FAM20C: variants seen among roughly 807,000 people sequenced by gnomAD.
FAM20C encodes extracellular serine/threonine protein kinase FAM20C.
Under a neutral mutation model 51.5 loss-of-function variants are expected in FAM20C, and 40 were observed. The observed-to-expected ratio is 0.78, with a 90% CI of 0.60 to 1.01. The LOEUF is 1.01. Ranked by LOEUF, FAM20C falls within the 50% of genes least tolerant of loss-of-function variation. The probability of loss-of-function intolerance (pLI) is 0.00; values close to 1 mark genes in which losing one functional copy is unlikely to be tolerated. For missense variants in FAM20C, 861 were observed against 844.7 expected, an observed-to-expected ratio of 1.02 and a Z score of -0.24; for synonymous variants, 406 against 380.6, an observed-to-expected ratio of 1.07 and a Z score of -0.78.
intron 3 of FAM20C, among the ~76,000 whole-genome samples, chr7:236,645 G>A (rs1787855768): frequency 6.6e-6 from 1 of 152,208 alleles, no homozygotes; most frequent in Admixed American, 6.5e-5. Context: ...ACATCTCACA[G>A]GGCACAGCAG....
At chr7:257,806 G>C (rs1446521032) in intron 8 of FAM20C, among the ~76,000 whole-genome samples, 9 of 127,926 alleles carry the variant, frequency 7.0e-5, no homozygotes, top group East Asian at 2.2e-4. Context: ...GGGCTGGGTG[G>C]ACCCACTGCC....
At chr7:251,340 G>A (rs540188246) in intron 5 of FAM20C, among the ~76,000 whole-genome samples, 9 of 152,254 alleles carry the variant, frequency 5.9e-5, no homozygotes, top group Admixed American at 3.3e-4. Flanking sequence ...ACAACGTAGC[G>A]AGACCCCATC....
At chr7:217,762 G>T (rs1414593319) in intron 3 of FAM20C, among the ~76,000 whole-genome samples, 1 of 152,156 alleles carries the variant, frequency 6.6e-6, no homozygotes, top group Non-Finnish European at 1.5e-5. Context: ...AATGACCCGG[G>T]GCCCGCGCGT....
At chr7:207,684 T>C (rs1282886267) in intron 2 of FAM20C, among the ~76,000 whole-genome samples, 5 of 152,238 alleles carry the variant, frequency 3.3e-5, no homozygotes, top group Non-Finnish European at 5.9e-5. Flanking sequence ...CAGTCCCTGG[T>C]GTGGCCCCGT....
intron 3 of FAM20C, among the ~76,000 whole-genome samples, chr7:237,554 G>A (rs1463723321): frequency 6.6e-6 from 1 of 152,034 alleles, no homozygotes; most frequent in Non-Finnish European, 1.5e-5. Context: ...TACGTTGGTG[G>A]TGATGACCAT....
At chr7:256,573 T>C in intron 6 of FAM20C, 81 bp from the exon 7 acceptor site, 1 of 1,172,158 alleles carries the variant, frequency 8.5e-7, no homozygotes, top group Non-Finnish European at 1.2e-6. Flanking sequence ...TGCCGCAGTG[T>C]TTCTCTTCTG....
chr7:242,484 T>G (rs928777309), intron 3 of FAM20C, among the ~76,000 whole-genome samples: 1 of 151,214 alleles, frequency 6.6e-6, no homozygotes, highest in Non-Finnish European at 1.5e-5. Flanking sequence ...CAGGCTGGGC[T>G]GCAGGCTGGG....
rs139281908 is a variant in FAM20C, at chr7:256,266, C to T, written c.1253+237C>T. 1.5e-3 allele frequency: 905 copies of T among 603,418 alleles called. 6 individuals are homozygous for T. The highest frequency in any genetic ancestry group is 0.014 in the African/African-American group (781 of 54,032). The allele number at this position is 603,418 out of a possible 1,614,324, so 37.4% of individuals were successfully genotyped here. Reference sequence around the variant, plus strand: ...GGGCCGGCCTGCCCACCAGGTCCCTCGAATCGGGGCCTCTCAGCGTTTGAG... The same window carrying T: ...GGGCCGGCCTGCCCACCAGGTCCCTTGAATCGGGGCCTCTCAGCGTTTGAG... On this transcript the variant is annotated intron_variant, in intron 6 of 9. Transcript: ENST00000313766.
intron 1 of FAM20C, 171 bp from the exon 2 acceptor site, chr7:195,383 C>A: frequency 2.0e-6 from 1 of 510,858 alleles, no homozygotes; most frequent in Non-Finnish European, 3.2e-6. Context: ...CGAGCGGCCA[C>A]AGAAGAAAGC....
At chr7:217,123 C>T (rs921017595) in intron 3 of FAM20C, among the ~76,000 whole-genome samples, 37 of 152,142 alleles carry the variant, frequency 2.4e-4, no homozygotes, top group Non-Finnish European at 4.6e-4. Context: ...TGGCCGTCAG[C>T]GGCCCCCCAG....
intron 2 of FAM20C, among the ~76,000 whole-genome samples, chr7:198,986 G>A (rs959235097): frequency 6.6e-6 from 1 of 152,252 alleles, no homozygotes; most frequent in Non-Finnish European, 1.5e-5. Flanking sequence ...TCTTCCTGAG[G>A]AAGCAGGGGA....
intron 3 of FAM20C, among the ~76,000 whole-genome samples, chr7:209,382 C>T (rs1786596875): frequency 6.6e-6 from 1 of 152,234 alleles, no homozygotes; most frequent in African/African-American, 2.4e-5. Context: ...TCAGGCTTTG[C>T]AGGTGTATGG....
chr7:229,460 TGGGGC>T (rs958206842), intron 3 of FAM20C: 2 of 158,962 alleles, frequency 1.3e-5, no homozygotes, highest in Non-Finnish European at 2.8e-5. Context: ...CCGAGCCCAA[TGGGGC>T]CCCTCCTGCC....
chr7:256,838 GCACA>G (rs1377952102), intron 7 of FAM20C, 75 bp downstream of exon 7: 1 of 1,463,074 alleles, frequency 6.8e-7, no homozygotes, highest in Non-Finnish European at 9.2e-7. Context: ...GCTCTGCAGG[GCACA>G]CTCCGTGGCA....
chr7:194,535 G>A (rs1785755767), intron 1 of FAM20C, among the ~76,000 whole-genome samples: 1 of 152,022 alleles, frequency 6.6e-6, no homozygotes, highest in African/African-American at 2.4e-5. Flanking sequence ...CCCAGCAGCA[G>A]AGGGGGAGAC....
At chr7:216,988 A>G (rs1480955329) in intron 3 of FAM20C, among the ~76,000 whole-genome samples, 3 of 152,044 alleles carry the variant, frequency 2.0e-5, no homozygotes, top group Non-Finnish European at 4.4e-5. Context: ...GCCTCATCCC[A>G]AGCAGCATCG....
chr7:256,043 C>CG lies in FAM20C; in HGVS notation c.1253+20dup. ...CAAGAAGGCCGAGTGAGTGCGGGGC[C>CG]GGGGGGCTGGCGTCCGGCCACCCTA... is the stretch of plus-strand genomic sequence containing the variant. On this transcript the variant is annotated intron_variant, in intron 6 of 9. Transcript: ENST00000313766. The CG allele has an allele frequency of 2.0e-6, 3 of 1,532,268 alleles. No individual in the cohort carries two copies. The highest frequency in any genetic ancestry group is 1.7e-6 in the Non-Finnish European group (2 of 1,145,002). 94.9% of individuals were successfully genotyped at this position (1,532,268 alleles called of 1,614,324 possible).
intron 3 of FAM20C, among the ~76,000 whole-genome samples, chr7:226,838 C>T (rs1378110884): frequency 1.3e-5 from 2 of 152,202 alleles, no homozygotes; most frequent in Non-Finnish European, 2.9e-5. Context: ...AAATTATTAA[C>T]AATTATGTAA....
intron 3 of FAM20C, among the ~76,000 whole-genome samples, chr7:237,069 C>T (rs1191060605): frequency 6.6e-6 from 1 of 152,194 alleles, no homozygotes; most frequent in Non-Finnish European, 1.5e-5. Flanking sequence ...ATTGGCTTGG[C>T]CTGGATGTCA....
Sources: gnomAD v4.1 joint callset for allele counts (sites outside exome capture counted in the v4.1 genomes callset) on GRCh38, gnomAD v4.1.1 for gene constraint, MANE v1.5 for transcripts, NCBI Gene and HGNC (gene_info 2026-07-23, HGNC 2026-07-21) for gene names.